TMEM144: variants seen among roughly 807,000 people sequenced by gnomAD.
TMEM144 encodes transmembrane protein 144.
A neutral mutation model predicts 43.6 loss-of-function variants in TMEM144; 39 were observed. The observed-to-expected ratio is 0.90, with a 90% CI of 0.69 to 1.17. The LOEUF (loss-of-function observed/expected upper bound fraction) is 1.17, where lower values mean the gene tolerates loss of function less well. Among genes scored for constraint, TMEM144 ranks in the 50% most tolerant of loss-of-function variants. The probability of loss-of-function intolerance (pLI) is 0.00; values close to 1 mark genes in which losing one functional copy is unlikely to be tolerated. For missense variants in TMEM144, 417 were observed against 411.9 expected, an observed-to-expected ratio of 1.01 and a Z score of -0.11; for synonymous variants, 154 against 133.6, an observed-to-expected ratio of 1.15 and a Z score of -1.06.
At chr4:158,244,391 T>A in intron 12 of TMEM144, 42 bp downstream of exon 12, 1 of 1,548,848 alleles carries the variant, frequency 6.5e-7, no homozygotes, top group Non-Finnish European at 8.9e-7. Context: ...GGGAATGGGG[T>A]AGGCCGGGCG....
intron 11 of TMEM144, among the ~76,000 whole-genome samples, chr4:158,244,054 C>A (rs1016783335): frequency 2.0e-5 from 3 of 151,534 alleles, no homozygotes; most frequent in African/African-American, 7.3e-5. Context: ...TTATGTGGCA[C>A]AAAATATTAT....
chr4:158,211,767 A>G (rs1178850195), intron 2 of TMEM144, 193 bp downstream of exon 2: 1 of 152,192 alleles, frequency 6.6e-6, no homozygotes, highest in Non-Finnish European at 1.5e-5. Flanking sequence ...TCAAATACAC[A>G]TTTTCTTTAC....
chr4:158,226,784 T>A (rs981785647), intron 6 of TMEM144, among the ~76,000 whole-genome samples: 17 of 152,196 alleles, frequency 1.1e-4, no homozygotes, highest in Non-Finnish European at 2.2e-4. Context: ...TTTAACTTTC[T>A]GACTTATTAC....
At chr4:158,238,474 T>C (rs948027994) in intron 9 of TMEM144, among the ~76,000 whole-genome samples, 1 of 152,188 alleles carries the variant, frequency 6.6e-6, no homozygotes, top group Admixed American at 6.5e-5. Flanking sequence ...ACTCAAACCT[T>C]TTACTGACTT....
chr4:158,250,366 T>G (rs1192944940), intron 12 of TMEM144, among the ~76,000 whole-genome samples: 1 of 152,134 alleles, frequency 6.6e-6, no homozygotes, highest in African/African-American at 2.4e-5. Flanking sequence ...CTCTGATCTC[T>G]GCATTCTTCC....
At position 158,244,495 on chromosome 4, in the gene TMEM144, C is replaced by A. The variant is rs575477636; in HGVS notation, c.954+146C>A. On this transcript the variant is annotated intron_variant, in intron 12 of 12. Coordinates refer to ENST00000296529, the MANE Select transcript of TMEM144 (RefSeq NM_018342.5). ...GACCAGCCTGGCCGAGATGGTGAAA[C>A]CCCGTCTCTACTAAAAATACAAAAA... The A allele has an allele frequency of 1.2e-4, 71 of 591,098 alleles. No individual in the cohort carries two copies. The African/African-American group carries it at 1.3e-3, about 11-fold the overall frequency. The allele number at this position is 591,098 out of a possible 1,614,324, so 36.6% of individuals were successfully genotyped here. A position where few individuals can be genotyped will look rare whatever the true frequency, so the allele number is the denominator to read the frequency against.
intron 12 of TMEM144, among the ~76,000 whole-genome samples, chr4:158,247,016 T>A (rs56808145): frequency 0.094 from 14,245 of 151,934 alleles, 769 homozygotes; most frequent in Middle Eastern, 0.13. Context: ...GGTAAAGACA[T>A]CTTTAAAAAG....
At chr4:158,238,244 T>G (rs1402491958) in intron 9 of TMEM144, among the ~76,000 whole-genome samples, 1 of 152,234 alleles carries the variant, frequency 6.6e-6, no homozygotes, top group East Asian at 1.9e-4. Flanking sequence ...AACCATGAAA[T>G]GATAAGAGAA....
intron 6 of TMEM144, among the ~76,000 whole-genome samples, chr4:158,228,398 A>G (rs1304814899): frequency 1.3e-5 from 2 of 152,076 alleles, no homozygotes; most frequent in East Asian, 3.9e-4. Flanking sequence ...AAACTAAATC[A>G]AAGTGCCGAT....
At chr4:158,232,641 C>A (rs572460990) in intron 6 of TMEM144, among the ~76,000 whole-genome samples, 2 of 152,230 alleles carry the variant, frequency 1.3e-5, no homozygotes, top group African/African-American at 4.8e-5. Flanking sequence ...AATGTGATTT[C>A]AAAGTTAAGG....
intron 12 of TMEM144, among the ~76,000 whole-genome samples, chr4:158,250,195 C>CATATATAT (rs5863314): frequency 0.02 from 2,728 of 134,940 alleles, 69 homozygotes; most frequent in Non-Finnish European, 0.034. Flanking sequence ...TAATACATAA[C>CATATATAT]ATATATATAT....
chr4:158,218,284 C>A (rs150478986), intron 5 of TMEM144, among the ~76,000 whole-genome samples: 444 of 152,252 alleles, frequency 2.9e-3, no homozygotes, highest in African/African-American at 0.01. Flanking sequence ...CATCATTACA[C>A]AAAGTTCTAT....
At chr4:158,238,235 A>G (rs1234566119) in intron 9 of TMEM144, among the ~76,000 whole-genome samples, 1 of 152,230 alleles carries the variant, frequency 6.6e-6, no homozygotes, top group African/African-American at 2.4e-5. Flanking sequence ...ATGGCTTACA[A>G]CCATGAAATG....
At position 158,253,703 on chromosome 4, in the gene TMEM144, C is replaced by T. The variant is rs919222205; in HGVS notation, c.*176C>T. ...GTGAGAATGAAGGAAGATTGAGTTT[C>T]ATTCAAGTATAAAAATGAAAATTTC... On this transcript the variant is annotated 3_prime_UTR_variant, in exon 13 of 13. Transcript: ENST00000296529. 1 of 578,166 alleles carries T rather than the reference C, an allele frequency of 1.7e-6. No individual in the cohort carries two copies. Among genetic ancestry groups the T allele is most frequent in the South Asian group, 2.2e-5 (1 of 46,430 alleles). The allele number at this position is 578,166 out of a possible 1,614,324, so 35.8% of individuals were successfully genotyped here.
chr4:158,221,554 A>G (rs1343660426), intron 6 of TMEM144, among the ~76,000 whole-genome samples: 1 of 152,248 alleles, frequency 6.6e-6, no homozygotes, highest in Non-Finnish European at 1.5e-5. Context: ...TTGAAGATCC[A>G]GAAGCCAGAG....
At chr4:158,217,787 A>G (rs1280316113) in intron 5 of TMEM144, among the ~76,000 whole-genome samples, 1 of 152,226 alleles carries the variant, frequency 6.6e-6, no homozygotes, top group Non-Finnish European at 1.5e-5. Flanking sequence ...GAGTAGATAA[A>G]AAGAGATTAA....
At chr4:158,248,597 T>C (rs1736012082) in intron 12 of TMEM144, among the ~76,000 whole-genome samples, 1 of 152,162 alleles carries the variant, frequency 6.6e-6, no homozygotes, top group Non-Finnish European at 1.5e-5. Context: ...AAAAGCATCA[T>C]CAACTGAACA....
intron 11 of TMEM144, 89 bp downstream of exon 11, chr4:158,241,695 G>C (rs1735648657): frequency 2.1e-6 from 2 of 974,840 alleles, no homozygotes; most frequent in South Asian, 1.5e-5. Flanking sequence ...GCTAAAGACT[G>C]TCATGGAGTT....
At chr4:158,233,004 A>G (rs1319668164) in intron 7 of TMEM144, 22 bp downstream of exon 7, 1 of 1,516,034 alleles carries the variant, frequency 6.6e-7, no homozygotes. Flanking sequence ...ATGAGAGACA[A>G]CTTGATTTGA....
Sources: gnomAD v4.1 joint callset for allele counts (sites outside exome capture counted in the v4.1 genomes callset) on GRCh38, gnomAD v4.1.1 for gene constraint, MANE v1.5 for transcripts, NCBI Gene and HGNC (gene_info 2026-07-23, HGNC 2026-07-21) for gene names.